IL33: variants seen among roughly 807,000 people sequenced by gnomAD.
The protein encoded by IL33 is interleukin-33.
In IL33, 37 loss-of-function variants were observed where a neutral mutation model predicts 27.3. The observed-to-expected ratio is 1.36, with a 90% CI of 1.04 to 1.78. The LOEUF (loss-of-function observed/expected upper bound fraction) is 1.78, where lower values mean the gene tolerates loss of function less well. IL33 is among the 40% of genes most tolerant of loss of function. The pLI is 0.00. For missense variants in IL33, 406 were observed against 311.4 expected, an observed-to-expected ratio of 1.30 and a Z score of -2.29; for synonymous variants, 132 against 102.9, an observed-to-expected ratio of 1.28 and a Z score of -1.71.
rs542504541 is a variant in IL33 at position 6,248,331 on chromosome 9, G to A, written c.92-2143G>A. Among the ~76,000 whole-genome samples, 12 of 145,310 alleles carry A rather than the reference G, an allele frequency of 8.3e-5. No homozygotes were observed. The East Asian group carries it at 8.3e-4, about 10-fold the overall frequency. On this transcript the variant is annotated intron_variant, in intron 2 of 7. Coordinates refer to ENST00000682010, the MANE Select transcript of IL33 (RefSeq NM_033439.4). ...ACTATCTCAGCTCACTGCAACCTCC[G>A]GAGAGGTCGGATCTTTAAGATGTAA... is the stretch of plus-strand genomic sequence containing the variant.
rs994410211 is a variant in IL33, at chr9:6,257,143, T to A, written c.*975T>A. On this transcript the variant is annotated 3_prime_UTR_variant, in exon 8 of 8. Transcript: ENST00000682010. ...AATTTCAGTAACTGACTGTCCCTCATGTCCATGGCCTACCATCCCTTCTGA... is the reference window on the plus strand; with the variant it reads ...AATTTCAGTAACTGACTGTCCCTCAAGTCCATGGCCTACCATCCCTTCTGA... 6.6e-6 allele frequency: 1 copy of A among 152,194 alleles called. No individual in the cohort carries two copies. Among genetic ancestry groups the A allele is most frequent in the Non-Finnish European group, 1.5e-5 (1 of 68,030 alleles). 9.4% of individuals were successfully genotyped at this position (152,194 alleles called of 1,614,324 possible).
chr9:6,248,856 G>C (rs189489413), intron 2 of IL33, among the ~76,000 whole-genome samples: 525 of 152,154 alleles, frequency 3.5e-3, no homozygotes, highest in African/African-American at 0.012. Context: ...TGGGATTACA[G>C]GTGTGAGCCA....
intron 1 of IL33, among the ~76,000 whole-genome samples, chr9:6,216,343 C>A (rs1818142367): frequency 6.6e-6 from 1 of 152,126 alleles, no homozygotes; most frequent in South Asian, 2.1e-4. Context: ...TGTTGCCAGG[C>A]TGGAAACTTT....
intron 1 of IL33, among the ~76,000 whole-genome samples, chr9:6,228,407 C>T (rs1451892585): frequency 5.9e-5 from 9 of 152,152 alleles, no homozygotes. Context: ...AGAATTTTTA[C>T]ATTACTTGTC....
chr9:6,252,758 G>T, intron 4 of IL33, 108 bp from the exon 5 acceptor site: 1 of 1,282,876 alleles, frequency 7.8e-7, no homozygotes, highest in Non-Finnish European at 1.1e-6. Flanking sequence ...AGCCAACAGT[G>T]ACATACAAAA....
chr9:6,228,068 T>C (rs763943583), intron 1 of IL33, among the ~76,000 whole-genome samples: 8 of 152,224 alleles, frequency 5.3e-5, no homozygotes, highest in Admixed American at 1.3e-4. Flanking sequence ...CCTAACAAGA[T>C]TGCTGTAATA....
chr9:6,221,619 T>G (rs541939131), intron 1 of IL33, among the ~76,000 whole-genome samples: 1 of 152,364 alleles, frequency 6.6e-6, no homozygotes, highest in South Asian at 2.1e-4. Flanking sequence ...CATCCAATTT[T>G]TTTCTAGGCA....
chr9:6,234,615 C>A (rs1047980353), intron 1 of IL33, among the ~76,000 whole-genome samples: 5 of 152,188 alleles, frequency 3.3e-5, no homozygotes, highest in African/African-American at 7.2e-5. Flanking sequence ...CACCAACCTG[C>A]AAGGACTCTA....
At chr9:6,232,688 A>G (rs1818982657) in intron 1 of IL33, among the ~76,000 whole-genome samples, 1 of 152,150 alleles carries the variant, frequency 6.6e-6, no homozygotes, top group Admixed American at 6.5e-5. Context: ...CCTGGGCCCA[A>G]CTACTTAAAC....
upstream of IL33, chr9:6,215,721 C>A (rs1818106235): frequency 6.6e-6 from 1 of 152,176 alleles, no homozygotes; most frequent in African/African-American, 2.4e-5. Flanking sequence ...CTGCTAAAAT[C>A]TCACCCGCCC....
Position 6,252,926 on chromosome 9 carries a change from C to A in IL33, c.404C>A (p.Thr135Asn). ...SLSTYNDQSITFALEDESYEI... is the reference protein window; with the variant it reads ...SLSTYNDQSINFALEDESYEI... ...AGCACATACAATGATCAATCCATTACTTTTGCTTTGGAGGATGAAAGTTAT... is the reference window on the plus strand; with the variant it reads ...AGCACATACAATGATCAATCCATTAATTTTGCTTTGGAGGATGAAAGTTAT... The change falls in exon 5 of 8, where the codon ACT becomes AAT. Residue 135 changes from threonine to asparagine, a missense_variant. Transcript: ENST00000682010. 6.2e-7 allele frequency: 1 copy of A among 1,602,516 alleles called. No homozygotes were observed. Among genetic ancestry groups the A allele is most frequent in the African/African-American group, 1.3e-5 (1 of 74,720 alleles).
At chr9:6,252,025 G>A (rs1033681313) in intron 4 of IL33, among the ~76,000 whole-genome samples, 17 of 138,300 alleles carry the variant, frequency 1.2e-4, no homozygotes, top group South Asian at 2.5e-4. Context: ...CAACAAGAGC[G>A]GCTGTCTCAG....
At chr9:6,255,920 C>A in intron 7 of IL33, 48 bp from the exon 8 acceptor site, 1 of 1,501,346 alleles carries the variant, frequency 6.7e-7, no homozygotes, top group Non-Finnish European at 9.3e-7. Flanking sequence ...AAAGTTGACT[C>A]TGAACTTCCC....
chr9:6,239,449 G>A (rs139092936), intron 1 of IL33, among the ~76,000 whole-genome samples: 7 of 152,234 alleles, frequency 4.6e-5, no homozygotes, highest in South Asian at 2.1e-4. Flanking sequence ...GAAGGACAGC[G>A]TGGGGGTTGT....
chr9:6,220,866 A>C (rs1449026941), intron 1 of IL33, among the ~76,000 whole-genome samples: 1 of 151,942 alleles, frequency 6.6e-6, no homozygotes, highest in East Asian at 1.9e-4. Context: ...CTATCCTCCC[A>C]CCTCAGCCTC....
rs999264759 is a variant in IL33, at chr9:6,256,317, T to C, written c.*149T>C. On this transcript the variant is annotated 3_prime_UTR_variant, in exon 8 of 8. Coordinates refer to ENST00000682010, the MANE Select transcript of IL33 (RefSeq NM_033439.4). ...GTTTTCCATATTATGTATAAAAATATTTTTTCTAATCCTCCAGTTATTCTT... is the reference window on the plus strand; with the variant it reads ...GTTTTCCATATTATGTATAAAAATACTTTTTCTAATCCTCCAGTTATTCTT... 11 of 602,182 alleles carry C rather than the reference T, an allele frequency of 1.8e-5. No individual in the cohort carries two copies. In the African/African-American group the frequency reaches 1.9e-4, roughly 10 times the overall value. 37.3% of individuals were successfully genotyped at this position (602,182 alleles called of 1,614,324 possible).
chr9:6,254,364 A>T, intron 6 of IL33, 98 bp from the exon 7 acceptor site: 1 of 673,916 alleles, frequency 1.5e-6, no homozygotes, highest in Non-Finnish European at 2.3e-6. Context: ...TAATTATTTT[A>T]TGTAACATCT....
At chr9:6,239,988 A>C (rs1179163845) in intron 1 of IL33, among the ~76,000 whole-genome samples, 1 of 152,120 alleles carries the variant, frequency 6.6e-6, no homozygotes, top group Non-Finnish European at 1.5e-5. Context: ...GACTTCTTTT[A>C]TGTTTGTGTC....
At chr9:6,215,280 TTGAGATGAATAGAAAGAAAAGATGAACAG>T (rs1422504654), upstream of IL33, among the ~76,000 whole-genome samples, 1 of 152,202 alleles carries the variant, frequency 6.6e-6, no homozygotes, top group Non-Finnish European at 1.5e-5. Context: ...TGCGAGATTT[TTGAGATGAATAGAAAGAAAAGATGAACAG>T]TGGGGAGCAG....
Sources: allele counts gnomAD v4.1 joint callset (sites outside exome capture counted in the v4.1 genomes callset), GRCh38; gene constraint gnomAD v4.1.1; transcripts MANE v1.5; gene names NCBI Gene and HGNC (gene_info 2026-07-23, HGNC 2026-07-21).